The following TMEM132D variants were observed in gnomAD, a reference collection of about 807,000 sequenced individuals.
TMEM132D encodes the protein transmembrane protein 132D.
TMEM132D carries 21 observed loss-of-function variants against 62.3 expected under a neutral mutation model. That is an observed-to-expected ratio of 0.34 (90% CI 0.24 to 0.49). The LOEUF (loss-of-function observed/expected upper bound fraction) is 0.49, where lower values mean the gene tolerates loss of function less well. Ranked by LOEUF, TMEM132D falls within the 20% of genes least tolerant of loss-of-function variation. The pLI is 0.99. For missense variants in TMEM132D, 1,346 were observed against 1,402.8 expected (o/e 0.96, Z 0.65); for synonymous variants, 621 against 575.6 (o/e 1.08, Z -1.13).
At chr12:129,318,666 C>T (rs1868569825) in intron 4 of TMEM132D, among the ~76,000 whole-genome samples, 1 of 152,160 alleles carries the variant, frequency 6.6e-6, no homozygotes, top group South Asian at 2.1e-4. Flanking sequence ...GTGGGCGGGA[C>T]CCTAGATCTC....
chr12:129,087,981 G>GA lies in TMEM132D; in HGVS notation c.1444-3280_1444-3279insT, dbSNP rs200008473. The stretch of plus-strand genomic sequence containing the variant: ...TGACCGGGGTGTCCTCCATGACCGG[G>GA]TGTCCTCCATGACCGGGGTGTCCTC... On this transcript the variant is annotated intron_variant, in intron 5 of 8. Transcript: ENST00000422113. 2.7e-5 allele frequency among the ~76,000 whole-genome samples: 3 copies of GA among 112,948 alleles called. 1 individual carries two copies. Among genetic ancestry groups the GA allele is most frequent in the Admixed American group, 2.1e-4 (2 of 9,660 alleles). The allele number at this position is 112,948 out of a possible 152,430, so 74.1% of individuals were successfully genotyped here.
At chr12:129,859,583 A>C (rs1245419390) in intron 1 of TMEM132D, among the ~76,000 whole-genome samples, 1 of 152,154 alleles carries the variant, frequency 6.6e-6, no homozygotes, top group Non-Finnish European at 1.5e-5. Flanking sequence ...ATGGACTGGG[A>C]GATGCAGACC....
intron 2 of TMEM132D, among the ~76,000 whole-genome samples, chr12:129,687,002 T>C (rs1880943952): frequency 6.6e-6 from 1 of 152,180 alleles, no homozygotes. Flanking sequence ...CCTTTAAGGT[T>C]CCTCGGATGT....
chr12:129,235,358 C>A (rs1281854430), intron 4 of TMEM132D, among the ~76,000 whole-genome samples: 3 of 151,300 alleles, frequency 2.0e-5, no homozygotes, highest in Admixed American at 2.0e-4. Flanking sequence ...AAAGTTCATT[C>A]ACACTCTTTT....
At chr12:129,622,943 A>G (rs996320813) in intron 2 of TMEM132D, among the ~76,000 whole-genome samples, 1 of 152,162 alleles carries the variant, frequency 6.6e-6, no homozygotes, top group African/African-American at 2.4e-5. Context: ...GGGGAATACA[A>G]ATTGGGGCTG....
chr12:129,188,757 GA>G (rs1878292459), intron 5 of TMEM132D, among the ~76,000 whole-genome samples: 24 of 58,050 alleles, frequency 4.1e-4, no homozygotes, highest in Middle Eastern at 6.8e-3. Flanking sequence ...GGGGGAGGGA[GA>G]GAGGGAGAGA....
chr12:129,323,729 G>C (rs573217280), intron 4 of TMEM132D, among the ~76,000 whole-genome samples: 4 of 152,256 alleles, frequency 2.6e-5, no homozygotes, highest in Admixed American at 6.5e-5. Context: ...AGCTACACTG[G>C]ACAGGTATGC....
In TMEM132D at chr12:129,371,094, T is replaced by C. The variant is rs1374771180; in HGVS notation, c.1116-33277A>G. Reference sequence around the variant, plus strand: ...GATGTGATAGACCCAATTACCTTGATTCGATCATTATATTGTTGTAGGTAC... The same window carrying C: ...GATGTGATAGACCCAATTACCTTGACTCGATCATTATATTGTTGTAGGTAC... On this transcript the variant is annotated intron_variant, in intron 3 of 8. Transcript: ENST00000422113. This position sits in a 1 kb window ranked among gnomAD's most constrained non-coding sequence, Gnocchi z 4.3. 1.3e-5 allele frequency among the ~76,000 whole-genome samples: 2 copies of C among 152,250 alleles called. No individual in the cohort carries two copies. The highest frequency in any genetic ancestry group is 3.8e-4 in the East Asian group (2 of 5,202).
In TMEM132D at chr12:129,778,114, C is replaced by CAAA. The variant is rs35384142; in HGVS notation, c.80-77419_80-77417dup. On this transcript the variant is annotated intron_variant, in intron 1 of 8. Transcript: ENST00000422113. ...TGGGCAACAGAGTGAGACCCTGTCTCAAAAAAAAAAAAAAAAAAAAAATCA... is the reference window on the plus strand; with the variant it reads ...TGGGCAACAGAGTGAGACCCTGTCTCAAAAAAAAAAAAAAAAAAAAAAAAATCA... Among the ~76,000 whole-genome samples, 193 of 84,902 alleles carry CAAA rather than the reference C, an allele frequency of 2.3e-3. 1 individual carries two copies. The highest frequency in any genetic ancestry group is 0.01 in the Middle Eastern group (1 of 96). The allele number at this position is 84,902 out of a possible 152,430, so 55.7% of individuals were successfully genotyped here.
At chr12:129,444,129 T>G (rs1002798435) in intron 3 of TMEM132D, among the ~76,000 whole-genome samples, 2 of 152,108 alleles carry the variant, frequency 1.3e-5, no homozygotes, top group Non-Finnish European at 2.9e-5. Context: ...ATGAAAGACT[T>G]AAATGTAAAA....
chr12:129,080,941 T>C (rs1227762753), intron 7 of TMEM132D, among the ~76,000 whole-genome samples: 1 of 152,074 alleles, frequency 6.6e-6, no homozygotes, highest in Non-Finnish European at 1.5e-5. Flanking sequence ...CCACGAGACA[T>C]ATGGAGGCAC....
At chr12:129,388,097 A>G (rs1593360750) in intron 3 of TMEM132D, among the ~76,000 whole-genome samples, 2 of 133,532 alleles carry the variant, frequency 1.5e-5, no homozygotes, top group South Asian at 4.7e-4. Flanking sequence ...CAACACCAAT[A>G]CTAACACCAA....
At chr12:129,476,631 T>A (rs1874265700) in intron 3 of TMEM132D, among the ~76,000 whole-genome samples, 1 of 152,200 alleles carries the variant, frequency 6.6e-6, no homozygotes, top group African/African-American at 2.4e-5. Context: ...AGGACCCACC[T>A]GAGCCTGCCA....
chr12:129,370,776 C>G (rs1437609523), intron 3 of TMEM132D, among the ~76,000 whole-genome samples: 1 of 152,094 alleles, frequency 6.6e-6, no homozygotes, highest in African/African-American at 2.4e-5. Context: ...CTAAGCCAGG[C>G]AGAGAAAGAC....
intron 1 of TMEM132D, among the ~76,000 whole-genome samples, chr12:129,723,433 A>G (rs896508): frequency 0.83 from 126,493 of 151,694 alleles, 53,142 homozygotes; most frequent in Non-Finnish European, 0.9. Context: ...TGCATCACCC[A>G]GGCCCTTTGC....
At chr12:129,239,436 G>C (rs1300127831) in intron 4 of TMEM132D, among the ~76,000 whole-genome samples, 1 of 152,150 alleles carries the variant, frequency 6.6e-6, no homozygotes, top group Non-Finnish European at 1.5e-5. Context: ...TAGACATACA[G>C]TTCTTCTGAC....
chr12:129,237,512 T>G (rs753409401), intron 4 of TMEM132D, among the ~76,000 whole-genome samples: 9 of 152,230 alleles, frequency 5.9e-5, no homozygotes, highest in African/African-American at 2.2e-4. Flanking sequence ...ATTTAGAAAA[T>G]TATTGTTTAA....
chr12:129,141,907 C>T lies in TMEM132D; in HGVS notation c.1444-57205G>A, dbSNP rs1009684153. 6.0e-5 allele frequency among the ~76,000 whole-genome samples: 9 copies of T among 150,718 alleles called. 1 individual carries two copies. Among genetic ancestry groups the T allele is most frequent in the South Asian group, 2.1e-4 (1 of 4,768 alleles). On this transcript the variant is annotated intron_variant, in intron 5 of 8. Transcript: ENST00000422113. ...TGCAATAAACCTGCACATGTACCCCCGGAATCTATAATAAAAGTTAAAATT... is the reference window on the plus strand; with the variant it reads ...TGCAATAAACCTGCACATGTACCCCTGGAATCTATAATAAAAGTTAAAATT...
At chr12:129,671,259 C>T (rs1880494088) in intron 2 of TMEM132D, among the ~76,000 whole-genome samples, 1 of 152,134 alleles carries the variant, frequency 6.6e-6, no homozygotes, top group Non-Finnish European at 1.5e-5. Flanking sequence ...AAGAGAATAA[C>T]TTAAAAGGTC....
Sources: allele counts gnomAD v4.1 joint callset (sites outside exome capture counted in the v4.1 genomes callset), GRCh38; gene constraint gnomAD v4.1.1; non-coding constraint Gnocchi (gnomAD v3.1); transcripts MANE v1.5; gene names NCBI Gene and HGNC (gene_info 2026-07-23, HGNC 2026-07-21).